Variants in CUX1 observed in about 807,000 individuals in gnomAD.
The protein encoded by CUX1 is cut like homeobox 1, also known as protein CASP.
In CUX1, 31 loss-of-function variants were observed where a neutral mutation model predicts 158.8. The ratio of observed to expected loss-of-function variants is 0.20; its 90% CI spans 0.15 to 0.26. CUX1 has a LOEUF of 0.26. CUX1 is among the 10% of genes least tolerant of loss of function. The pLI, the probability that CUX1 is intolerant of heterozygous loss-of-function variation, is 1.00. For missense variants in CUX1, 1,589 were observed against 2,014.6 expected (o/e 0.79, Z 4.04); for synonymous variants, 879 against 862.1 (o/e 1.02, Z -0.34).
At chr7:102,007,952 T>A (rs895568299) in intron 2 of CUX1, among the ~76,000 whole-genome samples, 1 of 151,680 alleles carries the variant, frequency 6.6e-6, no homozygotes, top group African/African-American at 2.4e-5. Context: ...ACCATGTTGG[T>A]CAGGCTGGTC....
chr7:102,140,113 T>A (rs1834290164), intron 8 of CUX1, among the ~76,000 whole-genome samples: 1 of 152,230 alleles, frequency 6.6e-6, no homozygotes, highest in Admixed American at 6.5e-5. Context: ...AAGTGAAGTC[T>A]GAGATTTAAA....
intron 20 of CUX1, among the ~76,000 whole-genome samples, chr7:102,209,609 G>A (rs547247305): frequency 6.6e-6 from 1 of 152,158 alleles, no homozygotes; most frequent in South Asian, 2.1e-4. Flanking sequence ...CCAGCACCTT[G>A]GGATATAAAG....
chr7:101,820,989 C>T (rs1363187564), intron 1 of CUX1, among the ~76,000 whole-genome samples: 1 of 152,184 alleles, frequency 6.6e-6, no homozygotes, highest in Non-Finnish European at 1.5e-5. Context: ...AGCAGTCGTG[C>T]TGGGCGCTTT....
chr7:102,040,533 A>G (rs1418102116), intron 3 of CUX1, among the ~76,000 whole-genome samples: 1 of 152,148 alleles, frequency 6.6e-6, no homozygotes. Context: ...GTAGAAAGCA[A>G]ATTCCCCATG....
At chr7:102,187,650 G>A (rs918225255) in intron 11 of CUX1, among the ~76,000 whole-genome samples, 1 of 150,158 alleles carries the variant, frequency 6.7e-6, no homozygotes, top group Non-Finnish European at 1.5e-5. Context: ...GCTAAATTTA[G>A]ACCACACCTG....
intron 1 of CUX1, among the ~76,000 whole-genome samples, chr7:101,823,879 T>C (rs1310274916): frequency 6.6e-6 from 1 of 152,226 alleles, no homozygotes; most frequent in Non-Finnish European, 1.5e-5. Context: ...TTTTGTTAAA[T>C]GTAAGACATT....
At chr7:102,040,481 C>T (rs1270043875) in intron 3 of CUX1, among the ~76,000 whole-genome samples, 1 of 152,186 alleles carries the variant, frequency 6.6e-6, no homozygotes, top group Non-Finnish European at 1.5e-5. Context: ...TGTAGGGACC[C>T]TTTGGTCTCC....
intron 23 of CUX1, among the ~76,000 whole-genome samples, chr7:102,239,884 T>C (rs550946013): frequency 1.3e-5 from 2 of 152,240 alleles, no homozygotes; most frequent in South Asian, 2.1e-4. Context: ...GTAGCTGGGA[T>C]TACAGGCATG....
chr7:101,874,256 T>A (rs1363321432), intron 1 of CUX1, among the ~76,000 whole-genome samples: 5 of 152,230 alleles, frequency 3.3e-5, no homozygotes, highest in African/African-American at 1.2e-4. Flanking sequence ...GTTGATAGAA[T>A]AATATCCTGT....
At position 101,927,386 on chromosome 7, in the gene CUX1, C is replaced by T. The variant is rs181538944; in HGVS notation, c.141+11161C>T. 7.2e-5 allele frequency among the ~76,000 whole-genome samples: 11 copies of T among 152,178 alleles called. No homozygotes were observed. In the East Asian group the frequency reaches 9.6e-4, roughly 13 times the overall value. On this transcript the variant is annotated intron_variant, in intron 2 of 23. Transcript: ENST00000292535. ...ATTAGAAAATTCAGTTGGCCAAGTG[C>T]GGTAGCTCATTTCTGTAATCCCAGC...
intron 21 of CUX1, among the ~76,000 whole-genome samples, chr7:102,231,329 C>CT (rs11335871): frequency 1.7e-4 from 25 of 148,156 alleles, no homozygotes; most frequent in African/African-American, 4.7e-4. Flanking sequence ...TGCGCCCAGC[C>CT]TTTTTTTTTT....
intron 8 of CUX1, among the ~76,000 whole-genome samples, chr7:102,133,585 C>G (rs1554498015): frequency 1.4e-5 from 2 of 147,352 alleles, no homozygotes; most frequent in African/African-American, 2.5e-5. Flanking sequence ...AAGCGATTCT[C>G]CTGCCTTAGC....
intron 4 of CUX1, among the ~76,000 whole-genome samples, chr7:102,096,353 T>TTC (rs35078937): frequency 0.61 from 92,111 of 151,852 alleles, 29,845 homozygotes; most frequent in African/African-American, 0.79. Flanking sequence ...ATGGGGTGGC[T>TTC]TTATAAAGCC....
chr7:102,088,169 T>C (rs1283243734), intron 4 of CUX1, among the ~76,000 whole-genome samples: 1 of 152,144 alleles, frequency 6.6e-6, no homozygotes, highest in Non-Finnish European at 1.5e-5. Flanking sequence ...GGCTAATTTT[T>C]GTATTTTTAG....
chr7:102,200,602 C>T (rs1405868615), intron 17 of CUX1, among the ~76,000 whole-genome samples: 6 of 152,214 alleles, frequency 3.9e-5, no homozygotes, highest in East Asian at 3.9e-4. Flanking sequence ...CGGCCTCCCA[C>T]GGTGCTGGGA....
intron 14 of CUX1, among the ~76,000 whole-genome samples, chr7:102,273,118 G>A (rs1028006714): frequency 6.6e-6 from 1 of 152,190 alleles, no homozygotes; most frequent in Admixed American, 6.5e-5. Flanking sequence ...CCTACCCAGG[G>A]GATTTCATCA....
rs567745981 is a variant in CUX1, at chr7:101,845,940, G to A, written c.30+28271G>A. Among the ~76,000 whole-genome samples the A allele has an allele frequency of 3.3e-5, 5 of 152,048 alleles. No homozygotes were observed. In the South Asian group the frequency reaches 8.3e-4, roughly 25 times the overall value. On this transcript the variant is annotated intron_variant, in intron 1 of 23. Coordinates refer to ENST00000292535, the MANE Select transcript of CUX1 (RefSeq NM_181552.4). ...GGGGAATCGCTTGACCCCAGGAGTC[G>A]GAGATTTCAGTGAGCCGAGATTGCA...
intron 22 of CUX1, among the ~76,000 whole-genome samples, chr7:102,234,534 G>A (rs1048657750): frequency 1.3e-5 from 2 of 152,274 alleles, no homozygotes; most frequent in South Asian, 2.1e-4. Context: ...TTTTTGTGTT[G>A]TGTGGGTGGC....
rs181309296 is a variant in CUX1 at position 102,101,103 on chromosome 7, C to T, written c.407-3233C>T. Among the ~76,000 whole-genome samples, 636 of 152,310 alleles carry T rather than the reference C, an allele frequency of 4.2e-3. 3 individuals are homozygous for T. Among genetic ancestry groups the T allele is most frequent in the African/African-American group, 0.015 (612 of 41,572 alleles). On this transcript the variant is annotated intron_variant, in intron 5 of 23. Transcript: ENST00000292535. ...GCCACCAAGCCATTCATGAGGGATT[C>T]GCCCCCATGACCCAGACACCTCCCA...
Sources: gnomAD v4.1 joint callset for allele counts (sites outside exome capture counted in the v4.1 genomes callset) on GRCh38, gnomAD v4.1.1 for gene constraint, MANE v1.5 for transcripts, NCBI Gene and HGNC (gene_info 2026-07-23, HGNC 2026-07-21) for gene names.